The following NRG1 variants were observed in gnomAD, a reference collection of about 807,000 sequenced individuals.
NRG1 encodes the protein neuregulin 1, also known as pro-neuregulin-1, membrane-bound isoform.
In NRG1, 18 loss-of-function variants were observed where a neutral mutation model predicts 63.8. That is an observed-to-expected ratio of 0.28 (90% confidence interval 0.19 to 0.42). The LOEUF (loss-of-function observed/expected upper bound fraction) is 0.42. NRG1 is among the 10% of genes least tolerant of loss of function. The pLI is 1.00. For synonymous variants in NRG1, 302 were observed against 301.3 expected, an observed-to-expected ratio of 1.00 and a Z score of -0.02; for missense variants, 762 against 814.7, an observed-to-expected ratio of 0.94 and a Z score of 0.79.
intron 1 of NRG1, among the ~76,000 whole-genome samples, chr8:31,655,568 A>G (rs1805352110): frequency 6.6e-6 from 1 of 152,236 alleles, no homozygotes; most frequent in Non-Finnish European, 1.5e-5. Flanking sequence ...GTAAGGAACA[A>G]TCAGACGATT....
intron 1 of NRG1, among the ~76,000 whole-genome samples, chr8:32,163,446 C>G (rs894848507): frequency 6.6e-6 from 1 of 152,094 alleles, no homozygotes; most frequent in African/African-American, 2.4e-5. Flanking sequence ...GGTATAAAAC[C>G]TGCAAAAAAC....
intron 1 of NRG1, among the ~76,000 whole-genome samples, chr8:31,696,774 G>T (rs1276402279): frequency 6.6e-6 from 1 of 152,196 alleles, no homozygotes; most frequent in Non-Finnish European, 1.5e-5. Context: ...CAGCAAGTTA[G>T]TGACAGCTGG....
chr8:32,196,214 A>G (rs1842938941), intron 1 of NRG1, among the ~76,000 whole-genome samples: 1 of 151,318 alleles, frequency 6.6e-6, no homozygotes, highest in African/African-American at 2.4e-5. Flanking sequence ...TTGAGTGCCT[A>G]CTGTGTGTCT....
At chr8:31,817,237 C>G (rs765855198) in intron 1 of NRG1, among the ~76,000 whole-genome samples, 5 of 152,226 alleles carry the variant, frequency 3.3e-5, no homozygotes, top group Non-Finnish European at 7.3e-5. Context: ...AATTTGAGCA[C>G]TTCTCACCAT....
At chr8:31,840,593 T>G (rs898630260) in intron 1 of NRG1, among the ~76,000 whole-genome samples, 2 of 152,076 alleles carry the variant, frequency 1.3e-5, no homozygotes, top group Non-Finnish European at 2.9e-5. Flanking sequence ...TGATCCATAA[T>G]CTTCTGCCCC....
At chr8:31,670,671 T>G (rs980048631) in intron 1 of NRG1, among the ~76,000 whole-genome samples, 10 of 152,164 alleles carry the variant, frequency 6.6e-5, no homozygotes, top group African/African-American at 2.4e-4. Context: ...CCATTACATT[T>G]TGGCACTAGG....
intron 1 of NRG1, among the ~76,000 whole-genome samples, chr8:31,912,799 T>C (rs542091272): frequency 3.9e-5 from 6 of 152,134 alleles, no homozygotes; most frequent in Non-Finnish European, 7.3e-5. Flanking sequence ...TGAGATCTGC[T>C]GGAGGGAAGC....
chr8:31,836,157 C>G (rs1475957376), intron 1 of NRG1, among the ~76,000 whole-genome samples: 2 of 152,102 alleles, frequency 1.3e-5, no homozygotes, highest in African/African-American at 4.8e-5. Context: ...ATCCTGGTCT[C>G]TTGACTTCTA....
At chr8:31,734,787 G>A (rs1193648230) in intron 1 of NRG1, among the ~76,000 whole-genome samples, 2 of 152,160 alleles carry the variant, frequency 1.3e-5, no homozygotes, top group African/African-American at 4.8e-5. Flanking sequence ...AACCTGTGGA[G>A]TAGGAAATGA....
chr8:32,272,543 A>G (rs1348109568), intron 1 of NRG1, among the ~76,000 whole-genome samples: 2 of 152,182 alleles, frequency 1.3e-5, no homozygotes, highest in African/African-American at 4.8e-5. Context: ...GGACACTGAG[A>G]TGCAAAGACA....
At chr8:31,855,492 G>A (rs1264568089) in intron 1 of NRG1, among the ~76,000 whole-genome samples, 4 of 151,650 alleles carry the variant, frequency 2.6e-5, no homozygotes, top group Admixed American at 2.6e-4. Context: ...CTTTTATTTT[G>A]AGCCTATGTG....
At chr8:32,300,070 A>G (rs1855409784) in intron 1 of NRG1, among the ~76,000 whole-genome samples, 1 of 152,164 alleles carries the variant, frequency 6.6e-6, no homozygotes, top group African/African-American at 2.4e-5. Flanking sequence ...CCACAGGCAA[A>G]TACCTCACAT....
chr8:32,486,632 T>A (rs1338546465), intron 1 of NRG1, among the ~76,000 whole-genome samples: 1 of 151,774 alleles, frequency 6.6e-6, no homozygotes, highest in Non-Finnish European at 1.5e-5. Flanking sequence ...GCTGGATTTT[T>A]TTTTTTTTTT....
chr8:31,701,060 T>C (rs1189507280), intron 1 of NRG1, among the ~76,000 whole-genome samples: 1 of 152,176 alleles, frequency 6.6e-6, no homozygotes. Context: ...GGGAGTATTA[T>C]TAGTCATGTG....
chr8:32,720,127 A>G (rs1167894815), intron 5 of NRG1, among the ~76,000 whole-genome samples: 1 of 152,104 alleles, frequency 6.6e-6, no homozygotes, highest in African/African-American at 2.4e-5. Context: ...ATAAATTAAC[A>G]TGTCATTAAA....
chr8:31,829,456 C>A (rs1026896514), intron 1 of NRG1, among the ~76,000 whole-genome samples: 1 of 152,160 alleles, frequency 6.6e-6, no homozygotes, highest in South Asian at 2.1e-4. Context: ...ACATAGCATG[C>A]GGAATGGCAG....
At chr8:32,762,054 A>AG in intron 11 of NRG1, among the ~76,000 whole-genome samples, 1 of 150,920 alleles carries the variant, frequency 6.6e-6, no homozygotes, top group East Asian at 1.9e-4. Context: ...AAAAAAAAAA[A>AG]AAAAAACATT....
intron 1 of NRG1, among the ~76,000 whole-genome samples, chr8:31,779,749 G>C (rs897978543): frequency 7.2e-5 from 11 of 152,146 alleles, no homozygotes; most frequent in African/African-American, 2.7e-4. Context: ...TCCTGGATTT[G>C]CACAAATAAA....
chr8:31,746,712 C>A (rs1251511042), intron 1 of NRG1, among the ~76,000 whole-genome samples: 2 of 151,876 alleles, frequency 1.3e-5, no homozygotes, highest in African/African-American at 2.4e-5. Flanking sequence ...CGCTCTCATG[C>A]GTGTTGCAGC....
Sources: gnomAD v4.1 joint callset for allele counts (sites outside exome capture counted in the v4.1 genomes callset) on GRCh38, gnomAD v4.1.1 for gene constraint, MANE v1.5 for transcripts, NCBI Gene and HGNC (gene_info 2026-07-23, HGNC 2026-07-21) for gene names.